The following FBXO4 variants were observed in gnomAD, a reference collection of about 807,000 sequenced individuals.
FBXO4 encodes F-box protein 4, also known as F-box only protein 4.
A neutral mutation model predicts 43.7 loss-of-function variants in FBXO4; 36 were observed. The observed-to-expected ratio is 0.82, with a 90% CI of 0.63 to 1.09. The LOEUF (loss-of-function observed/expected upper bound fraction) is 1.09, where lower values mean the gene tolerates loss of function less well. Among genes scored for constraint, FBXO4 ranks in the 50% least tolerant of loss-of-function variants. The pLI, the probability that FBXO4 is intolerant of heterozygous loss-of-function variation, is 0.00. For missense variants in FBXO4, 435 were observed against 474.1 expected (o/e 0.92, Z 0.77); for synonymous variants, 180 against 165.6 (o/e 1.09, Z -0.67).
the FBXO4 span, among the ~76,000 whole-genome samples, chr5:42,031,218 A>C: frequency 6.6e-6 from 1 of 152,172 alleles, no homozygotes; most frequent in Non-Finnish European, 1.5e-5. Context: ...TAAATTTCCA[A>C]CAACAATAGA....
the FBXO4 span, among the ~76,000 whole-genome samples, chr5:42,006,624 G>C: frequency 6.6e-6 from 1 of 151,756 alleles, no homozygotes; most frequent in Admixed American, 6.6e-5. Flanking sequence ...TATGAAGTTT[G>C]AAGAAAGTTG....
the FBXO4 span, among the ~76,000 whole-genome samples, chr5:42,028,087 G>A: frequency 2.0e-5 from 3 of 151,816 alleles, no homozygotes; most frequent in East Asian, 5.8e-4. Flanking sequence ...TTTCTTTTTT[G>A]ATGTTCTGTC....
In FBXO4 at chr5:41,930,032, GGTT is replaced by G. The variant is rs1751634281; in HGVS notation, c.646+120_646+122del. On this transcript the variant is annotated intron_variant, in intron 3 of 6. Coordinates refer to ENST00000281623, the MANE Select transcript of FBXO4 (RefSeq NM_012176.3). The stretch of plus-strand genomic sequence containing the variant: ...TTGCTATAATGAAGTACAGTACTTT[GGTT>G]GTTGGGAGCCCTACCAGGTTCCACT... 4.7e-6 allele frequency: 4 copies of G among 851,086 alleles called. No homozygotes were observed. The South Asian group carries it at 7.4e-5, about 16-fold the overall frequency. 52.7% of individuals were successfully genotyped at this position (851,086 alleles called of 1,614,324 possible). A position where few individuals can be genotyped will look rare whatever the true frequency, so the allele number is the denominator to read the frequency against.
the FBXO4 span, among the ~76,000 whole-genome samples, chr5:42,003,642 T>C: frequency 6.6e-6 from 1 of 151,618 alleles, no homozygotes; most frequent in Non-Finnish European, 1.5e-5. Context: ...TTACATTAGG[T>C]ATTTCTCCTA....
the FBXO4 span, among the ~76,000 whole-genome samples, chr5:41,966,429 A>G: frequency 2.0e-5 from 3 of 152,358 alleles, no homozygotes; most frequent in East Asian, 1.9e-4. Flanking sequence ...GACAATACAC[A>G]TGAATAATTT....
chr5:41,998,498 GT>G, the FBXO4 span, among the ~76,000 whole-genome samples: 8 of 152,152 alleles, frequency 5.3e-5, no homozygotes, highest in African/African-American at 1.9e-4. Context: ...CTAGCTCACA[GT>G]GGGCCATATT....
chr5:41,973,460 T>C, the FBXO4 span, among the ~76,000 whole-genome samples: 1 of 152,188 alleles, frequency 6.6e-6, no homozygotes, highest in South Asian at 2.1e-4. Context: ...GAGGATTGCT[T>C]GAGCCCAGGG....
intron 5 of FBXO4, among the ~76,000 whole-genome samples, chr5:41,938,882 G>C (rs190526189): frequency 6.6e-6 from 1 of 152,294 alleles, no homozygotes; most frequent in African/African-American, 2.4e-5. Flanking sequence ...CAGCAATGGA[G>C]AATCTCCCTG....
chr5:41,976,845 G>A, the FBXO4 span, among the ~76,000 whole-genome samples: 7 of 152,180 alleles, frequency 4.6e-5, no homozygotes, highest in African/African-American at 1.2e-4. Flanking sequence ...CTCTTCACAC[G>A]GCCCTAGTAG....
At chr5:41,974,321 A>G in the FBXO4 span, among the ~76,000 whole-genome samples, 6 of 151,828 alleles carry the variant, frequency 4.0e-5, no homozygotes, top group African/African-American at 1.2e-4. Context: ...CTTTTTCTCT[A>G]TTTCTGTTTC....
the FBXO4 span, among the ~76,000 whole-genome samples, chr5:41,993,295 A>T: frequency 1.9e-4 from 29 of 152,168 alleles, no homozygotes; most frequent in Non-Finnish European, 3.4e-4. Context: ...AGTACTTAAA[A>T]TTTTTCCCAG....
chr5:41,934,337 A>C (rs1751792640), intron 5 of FBXO4, 29 bp downstream of exon 5: 1 of 1,613,506 alleles, frequency 6.2e-7, no homozygotes, highest in African/African-American at 1.3e-5. Context: ...ATTTTTAAGC[A>C]CATTGTTCTT....
chr5:41,953,062 T>C, the FBXO4 span, among the ~76,000 whole-genome samples: 35 of 152,180 alleles, frequency 2.3e-4, no homozygotes, highest in African/African-American at 8.4e-4. Context: ...TAGTTACATA[T>C]GTATACATGT....
the FBXO4 span, among the ~76,000 whole-genome samples, chr5:42,032,674 G>A: frequency 2.0e-5 from 3 of 152,108 alleles, no homozygotes; most frequent in Non-Finnish European, 4.4e-5. Context: ...GCCATCCAAC[G>A]TTCAATTCCT....
chr5:42,009,041 C>T, the FBXO4 span, among the ~76,000 whole-genome samples: 1 of 152,084 alleles, frequency 6.6e-6, no homozygotes, highest in Non-Finnish European at 1.5e-5. Context: ...GTTTTTAAAG[C>T]ACATAGGCCT....
chr5:41,985,363 T>A, the FBXO4 span, among the ~76,000 whole-genome samples: 1 of 152,364 alleles, frequency 6.6e-6, no homozygotes, highest in South Asian at 2.1e-4. Context: ...TTGCTGATGG[T>A]AAATATTCTG....
At chr5:41,963,339 A>G in the FBXO4 span, among the ~76,000 whole-genome samples, 3 of 152,092 alleles carry the variant, frequency 2.0e-5, no homozygotes, top group African/African-American at 7.2e-5. Context: ...ATCTTTCACT[A>G]ATTCCAAAAT....
At chr5:42,023,003 G>A in the FBXO4 span, among the ~76,000 whole-genome samples, 1 of 151,950 alleles carries the variant, frequency 6.6e-6, no homozygotes. Flanking sequence ...TGATGTTTAG[G>A]TAACAATGCC....
the FBXO4 span, among the ~76,000 whole-genome samples, chr5:42,029,518 T>G: frequency 2.6e-5 from 4 of 152,098 alleles, no homozygotes; most frequent in Non-Finnish European, 5.9e-5. Context: ...ATTATCCCTT[T>G]AAATACATTT....
Sources: gnomAD v4.1 joint callset for allele counts (sites outside exome capture counted in the v4.1 genomes callset) on GRCh38, gnomAD v4.1.1 for gene constraint, MANE v1.5 for transcripts, NCBI Gene and HGNC (gene_info 2026-07-23, HGNC 2026-07-21) for gene names.